Variants in PACRG observed in about 807,000 individuals in gnomAD.
PACRG encodes the protein parkin coregulated, also known as parkin coregulated gene protein.
A neutral mutation model predicts 29.7 loss-of-function variants in PACRG; 29 were observed. The observed-to-expected ratio is 0.98, with a 90% CI of 0.73 to 1.33. The LOEUF is 1.33. Among genes scored for constraint, PACRG ranks in the 40% most tolerant of loss-of-function variants. PACRG has a pLI of 0.00. For missense variants in PACRG, 279 were observed against 316.2 expected, an observed-to-expected ratio of 0.88 and a Z score of 0.89; for synonymous variants, 116 against 118.7, an observed-to-expected ratio of 0.98 and a Z score of 0.15.
rs1781570603 is a variant in PACRG at position 163,221,199 on chromosome 6, C to T, written c.614-93628C>T. On this transcript the variant is annotated intron_variant, in intron 4 of 4. Coordinates refer to ENST00000366888, the MANE Select transcript of PACRG (RefSeq NM_001080379.2). ...CATGATAAAATAAATACTCTATTTCCCCACATCTGGCTCAGCATCGCAGTT... is the reference window on the plus strand; with the variant it reads ...CATGATAAAATAAATACTCTATTTCTCCACATCTGGCTCAGCATCGCAGTT... 2.0e-5 allele frequency among the ~76,000 whole-genome samples: 3 copies of T among 152,112 alleles called. No homozygotes were observed. The South Asian group carries it at 6.2e-4, about 32-fold the overall frequency.
chr6:163,111,917 AG>A (rs1351810148), intron 4 of PACRG: 7 of 252,870 alleles, frequency 2.8e-5, no homozygotes, highest in Non-Finnish European at 3.7e-5. Context: ...TAAATGCCTG[AG>A]GGGCACTCAT....
intron 2 of PACRG, chr6:162,892,026 G>A (rs540247846): frequency 2.0e-5 from 3 of 152,566 alleles, no homozygotes; most frequent in East Asian, 1.9e-4. Context: ...ACACTTCCCT[G>A]GGCAAGGCCC....
At chr6:162,801,170 G>T (rs964212767) in intron 1 of PACRG, among the ~76,000 whole-genome samples, 2 of 152,154 alleles carry the variant, frequency 1.3e-5, no homozygotes, top group East Asian at 3.9e-4. Context: ...CCAGGCTGGG[G>T]GATATCTTGC....
intron 1 of PACRG, among the ~76,000 whole-genome samples, chr6:162,808,045 A>G (rs1786513374): frequency 6.6e-6 from 1 of 152,062 alleles, no homozygotes; most frequent in African/African-American, 2.4e-5. Flanking sequence ...TTACAATACA[A>G]TTTTCTTATT....
chr6:163,172,704 C>T (rs897977902), intron 4 of PACRG, among the ~76,000 whole-genome samples: 3 of 152,164 alleles, frequency 2.0e-5, no homozygotes, highest in African/African-American at 7.2e-5. Context: ...AAGAACTGTG[C>T]GGTCTCCAGA....
rs1041155021 is a variant in PACRG, at chr6:163,181,753, T to G, written c.613+92345T>G. On this transcript the variant is annotated intron_variant, in intron 4 of 4. Coordinates refer to ENST00000366888, the MANE Select transcript of PACRG (RefSeq NM_001080379.2). ...TTTTTCTCATCATTAACCACTTAGT[T>G]ACTATAAATGTGTTTTAACTCACGG... Among the ~76,000 whole-genome samples the G allele has an allele frequency of 2.6e-5, 4 of 152,134 alleles. No homozygotes were observed. The East Asian group carries it at 7.7e-4, about 29-fold the overall frequency.
intron 4 of PACRG, among the ~76,000 whole-genome samples, chr6:163,229,855 T>A (rs1781957397): frequency 6.6e-6 from 1 of 152,198 alleles, no homozygotes; most frequent in African/African-American, 2.4e-5. Context: ...CAGAACTGTC[T>A]CCAGGCGACA....
intron 2 of PACRG, among the ~76,000 whole-genome samples, chr6:162,948,265 G>T (rs1347401641): frequency 6.6e-6 from 1 of 152,022 alleles, no homozygotes; most frequent in Non-Finnish European, 1.5e-5. Flanking sequence ...GATGATTTTT[G>T]ACATAGGTGC....
intron 1 of PACRG, among the ~76,000 whole-genome samples, chr6:162,734,888 G>A (rs1435399343): frequency 1.3e-5 from 2 of 152,114 alleles, no homozygotes; most frequent in African/African-American, 2.4e-5. Flanking sequence ...CTGTCTCTTT[G>A]TAGTCACTAC....
At chr6:162,899,655 G>A (rs1213515086) in intron 2 of PACRG, among the ~76,000 whole-genome samples, 1 of 152,100 alleles carries the variant, frequency 6.6e-6, no homozygotes, top group Non-Finnish European at 1.5e-5. Flanking sequence ...GAGCTTTAGA[G>A]CCCTAAACAC....
At chr6:162,752,924 TTTTATGTA>T (rs1300308783) in intron 1 of PACRG, among the ~76,000 whole-genome samples, 2 of 152,208 alleles carry the variant, frequency 1.3e-5, no homozygotes, top group East Asian at 1.9e-4. Context: ...TTCTTTAGGC[TTTTATGTA>T]TTTATGTATT....
chr6:163,262,185 CTG>C (rs1173105833), intron 4 of PACRG, among the ~76,000 whole-genome samples: 2 of 152,248 alleles, frequency 1.3e-5, no homozygotes, highest in Non-Finnish European at 2.9e-5. Flanking sequence ...GTTTTTCACA[CTG>C]TCGTGTTACT....
At chr6:162,732,738 A>G (rs534458091) in intron 1 of PACRG, among the ~76,000 whole-genome samples, 3 of 152,252 alleles carry the variant, frequency 2.0e-5, no homozygotes, top group South Asian at 4.1e-4. Flanking sequence ...CCACCTATCA[A>G]TTGGTTGACT....
At chr6:163,273,029 C>G (rs1199180673) in intron 4 of PACRG, among the ~76,000 whole-genome samples, 1 of 146,262 alleles carries the variant, frequency 6.8e-6, no homozygotes, top group Non-Finnish European at 1.5e-5. Flanking sequence ...GTAGCTGGGA[C>G]TACAGGCGCC....
intron 4 of PACRG, among the ~76,000 whole-genome samples, chr6:163,269,971 GA>G: frequency 1.6e-5 from 1 of 61,292 alleles, no homozygotes. Context: ...AAGAAAGAAA[GA>G]AAGAAAGAAA....
chr6:162,913,187 G>A (rs1796434636), intron 2 of PACRG, among the ~76,000 whole-genome samples: 1 of 152,132 alleles, frequency 6.6e-6, no homozygotes, highest in Non-Finnish European at 1.5e-5. Flanking sequence ...GTTGGCCTCT[G>A]TATACACCCA....
chr6:163,134,840 CT>C (rs1466774608), intron 4 of PACRG, among the ~76,000 whole-genome samples: 5 of 152,182 alleles, frequency 3.3e-5, no homozygotes, highest in Non-Finnish European at 7.3e-5. Context: ...TACCAATCAA[CT>C]TTATCAAATC....
chr6:162,869,584 G>A (rs1368070564), intron 2 of PACRG, among the ~76,000 whole-genome samples: 3 of 152,042 alleles, frequency 2.0e-5, no homozygotes, highest in Admixed American at 6.6e-5. Flanking sequence ...GCAGGTTATG[G>A]GGGCCCTTTT....
chr6:163,196,367 G>A lies in PACRG; in HGVS notation c.613+106959G>A, dbSNP rs57482670. ...TCACTCTTTTCGCCAACATGTATCC[G>A]CTCCAAGACCTCTCCTGTCCTAGGG... On this transcript the variant is annotated intron_variant, in intron 4 of 4. Transcript: ENST00000366888. Among the ~76,000 whole-genome samples the A allele has an allele frequency of 8.3e-3, 1,270 of 152,292 alleles. 13 individuals carry two copies. Among genetic ancestry groups the A allele is most frequent in the African/African-American group, 0.029 (1,218 of 41,564 alleles).
Sources: gnomAD v4.1 joint callset for allele counts (sites outside exome capture counted in the v4.1 genomes callset) on GRCh38, gnomAD v4.1.1 for gene constraint, MANE v1.5 for transcripts, NCBI Gene and HGNC (gene_info 2026-07-23, HGNC 2026-07-21) for gene names.